The following BOP1 variants were observed in gnomAD, a reference collection of about 807,000 sequenced individuals.
BOP1 encodes the protein ribosome biogenesis protein BOP1.
Under a neutral mutation model 82.9 loss-of-function variants are expected in BOP1, and 54 were observed. The observed-to-expected ratio is 0.65, with a 90% CI of 0.52 to 0.82. The LOEUF is 0.82. Ranked by LOEUF, BOP1 falls within the 40% of genes least tolerant of loss-of-function variation. The pLI, the probability that BOP1 is intolerant of heterozygous loss-of-function variation, is 0.00. For missense variants in BOP1, 1,170 were observed against 1,072.0 expected (o/e 1.09, Z -1.28); for synonymous variants, 566 against 451.1 (o/e 1.25, Z -3.23).
chr8:144,272,133 G>A (rs1422162717), intron 3 of BOP1, among the ~76,000 whole-genome samples: 1 of 152,012 alleles, frequency 6.6e-6, no homozygotes, highest in Admixed American at 6.5e-5. Flanking sequence ...TGCTAGGGGT[G>A]GGGCACAGGC....
chr8:144,267,329 G>A, intron 3 of BOP1: 2 of 997,834 alleles, frequency 2.0e-6, no homozygotes, highest in Non-Finnish European at 2.6e-6. Flanking sequence ...CGGGGGCTGG[G>A]GCCTTCTCCT....
At chr8:144,287,302 G>A (rs568135034) in intron 2 of BOP1, among the ~76,000 whole-genome samples, 1 of 152,258 alleles carries the variant, frequency 6.6e-6, no homozygotes, top group African/African-American at 2.4e-5. Flanking sequence ...GAGCCACCAC[G>A]CCCGCTGAAA....
At chr8:144,284,116 C>CAAAAA (rs781998042) in intron 2 of BOP1, among the ~76,000 whole-genome samples, 11 of 149,394 alleles carry the variant, frequency 7.4e-5, no homozygotes, top group Non-Finnish European at 1.6e-4. Context: ...GACTCTGTCT[C>CAAAAA]AAAAAACAAA....
At chr8:144,267,919 T>C (rs1434809255) in intron 3 of BOP1, among the ~76,000 whole-genome samples, 1 of 152,214 alleles carries the variant, frequency 6.6e-6, no homozygotes, top group Non-Finnish European at 1.5e-5. Context: ...GGAAATTTAA[T>C]TTTACAATTT....
At chr8:144,266,361 T>C (rs1323799385) in intron 3 of BOP1, among the ~76,000 whole-genome samples, 3 of 146,304 alleles carry the variant, frequency 2.1e-5, no homozygotes, top group Non-Finnish European at 4.5e-5. Context: ...CGGCGGGCGC[T>C]GCTCGAGGAG....
chr8:144,265,155 G>T, intron 3 of BOP1, 84 bp from the exon 4 acceptor site: 1 of 1,503,010 alleles, frequency 6.7e-7, no homozygotes, highest in Non-Finnish European at 9.0e-7. Context: ...AGGTGAGGGG[G>T]TTGCAGGGGG....
At chr8:144,290,821 G>A (rs1252681312) in intron 1 of BOP1, among the ~76,000 whole-genome samples, 1 of 152,282 alleles carries the variant, frequency 6.6e-6, no homozygotes, top group Non-Finnish European at 1.5e-5. Flanking sequence ...AACCAAGACA[G>A]GGCTGAGCTA....
chr8:144,289,175 CTTCG>C lies in BOP1; in HGVS notation c.225_228del (p.Asp75GlufsTer114). 1 of 1,614,224 alleles carries C rather than the reference CTTCG, an allele frequency of 6.2e-7. No homozygotes were observed. The highest frequency in any genetic ancestry group is 8.5e-7 in the Non-Finnish European group (1 of 1,180,038). On this transcript the variant is annotated frameshift_variant, in exon 2 of 16. Coordinates refer to ENST00000569669, the MANE Select transcript of BOP1 (RefSeq NM_015201.5). LOFTEE classifies it high-confidence loss of function. ...GCTCCGTCCTCTCCCTCCTCGTCGC[CTTCG>C]TCATCATCCTCACTGCTGTCACTGC...
chr8:144,277,718 T>C (rs1198813616), intron 2 of BOP1, among the ~76,000 whole-genome samples: 3 of 121,734 alleles, frequency 2.5e-5, no homozygotes, highest in Non-Finnish European at 3.7e-5. Flanking sequence ...GGGCGCAGCA[T>C]CCCCGTGGGA....
At chr8:144,287,590 C>T (rs1319165257) in intron 2 of BOP1, among the ~76,000 whole-genome samples, 1 of 152,062 alleles carries the variant, frequency 6.6e-6, no homozygotes, top group Admixed American at 6.6e-5. Flanking sequence ...GACCTGGATT[C>T]CTGGGCTCAG....
chr8:144,266,638 GC>G, intron 3 of BOP1: 1 of 1,238,896 alleles, frequency 8.1e-7, no homozygotes, highest in South Asian at 1.5e-5. Context: ...GCTGCGCCCG[GC>G]GCCGCCGGGC....
At chr8:144,277,739 GCA>G (rs1845589584) in intron 2 of BOP1, among the ~76,000 whole-genome samples, 1 of 96,900 alleles carries the variant, frequency 1.0e-5, no homozygotes, top group South Asian at 3.4e-4. Context: ...CAGCTGTGGG[GCA>G]CAGAGTCCAC....
At chr8:144,264,870 C>T (rs2130200776) in intron 4 of BOP1, 39 bp from the exon 5 acceptor site, 2 of 1,608,134 alleles carry the variant, frequency 1.2e-6, no homozygotes, top group East Asian at 2.2e-5. Context: ...CCCTGCCCCA[C>T]CCCTCGGGCC....
chr8:144,263,759 G>T lies in BOP1; in HGVS notation c.1224C>A (p.Val408=). 1 of 1,583,296 alleles carries T rather than the reference G, an allele frequency of 6.3e-7. No individual in the cohort carries two copies. The highest frequency in any genetic ancestry group is 8.6e-7 in the Non-Finnish European group (1 of 1,167,474). Residue 408 remains valine, a splice_region_variant and synonymous_variant, in exon 10 of 16, where the codon GTC becomes GTA. Transcript: ENST00000569669. ...GGACAAGGTCACTGTGGCCCCTGTAGACCTGAGGAGGCGGCGGCAGTGAGG... is the reference window on the plus strand; with the variant it reads ...GGACAAGGTCACTGTGGCCCCTGTATACCTGAGGAGGCGGCGGCAGTGAGG... ...LQPFPTCQAL[V]YRGHSDLVRC...
At position 144,262,101 on chromosome 8, in the gene BOP1, AG is replaced by A; in HGVS notation, c.*62del. ...ATTCAAGAAGGTGGGAGCACCAGGCAGCACAGGGTAAAGGCTCTGTTGACTT... is the reference window on the plus strand; with the variant it reads ...ATTCAAGAAGGTGGGAGCACCAGGCACACAGGGTAAAGGCTCTGTTGACTT... On this transcript the variant is annotated 3_prime_UTR_variant, in exon 16 of 16. Coordinates refer to ENST00000569669, the MANE Select transcript of BOP1 (RefSeq NM_015201.5). The A allele has an allele frequency of 1.4e-5, 23 of 1,606,968 alleles. No individual in the cohort carries two copies. Among genetic ancestry groups the A allele is most frequent in the Non-Finnish European group, 2.0e-5 (23 of 1,177,832 alleles).
intron 3 of BOP1, among the ~76,000 whole-genome samples, chr8:144,275,049 C>T (rs1392943956): frequency 2.0e-5 from 3 of 151,018 alleles, no homozygotes; most frequent in South Asian, 2.1e-4. Context: ...CCGGATCGGG[C>T]GGGCGGCCAA....
chr8:144,288,022 T>C (rs1329514469), intron 2 of BOP1, among the ~76,000 whole-genome samples: 1 of 151,954 alleles, frequency 6.6e-6, no homozygotes, highest in Non-Finnish European at 1.5e-5. Flanking sequence ...TCCCAGCACT[T>C]TGGGAGGCCA....
chr8:144,264,616 G>T lies in BOP1; in HGVS notation c.664C>A (p.Pro222Thr). The change falls in exon 6 of 16, where the codon CCG (proline) becomes ACG (threonine). Residue 222 changes from proline to threonine, a missense_variant and splice_region_variant. Coordinates refer to ENST00000569669, the MANE Select transcript of BOP1 (RefSeq NM_015201.5). ...TCCCCGCTGAAGAAGTCGACAGCCG[G>T]CTGGGGGAGAAGATGTGGGCGTGTG... ...FGDVGFNPYE[P>T]AVDFFSGDVM... 1 of 1,594,426 alleles carries T rather than the reference G, an allele frequency of 6.3e-7. No homozygotes were observed. Among genetic ancestry groups the T allele is most frequent in the Admixed American group, 1.7e-5 (1 of 57,712 alleles).
rs926160758 is a variant in BOP1, at chr8:144,264,504, G to C, written c.765+11C>G. The C allele has an allele frequency of 5.0e-4, 810 of 1,609,104 alleles. 2 individuals are homozygous for C. The highest frequency in any genetic ancestry group is 5.3e-4 in the Non-Finnish European group (623 of 1,178,808). On this transcript the variant is annotated intron_variant, in intron 6 of 15. Coordinates refer to ENST00000569669, the MANE Select transcript of BOP1 (RefSeq NM_015201.5). Reference sequence around the variant, plus strand: ...CAGCCCAGGCCAAGCCCCAGGGGCTGTGTGCCCCACCTTCTCCTTCTCCAC... The same window carrying C: ...CAGCCCAGGCCAAGCCCCAGGGGCTCTGTGCCCCACCTTCTCCTTCTCCAC...
Sources: allele counts gnomAD v4.1 joint callset (sites outside exome capture counted in the v4.1 genomes callset), GRCh38; gene constraint gnomAD v4.1.1; transcripts MANE v1.5; gene names NCBI Gene and HGNC (gene_info 2026-07-23, HGNC 2026-07-21).